VWA3B: variants seen among roughly 807,000 people sequenced by gnomAD.
VWA3B encodes the protein von Willebrand factor A domain containing 3B.
A neutral mutation model predicts 158.3 loss-of-function variants in VWA3B; 138 were observed. The ratio of observed to expected loss-of-function variants is 0.87; its 90% CI spans 0.76 to 1.00. The LOEUF (loss-of-function observed/expected upper bound fraction) is 1.00. VWA3B is among the 50% of genes least tolerant of loss of function. The pLI is 0.00. For synonymous variants in VWA3B, 596 were observed against 587.3 expected (o/e 1.01, Z -0.21); for missense variants, 1,555 against 1,565.1 (o/e 0.99, Z 0.11).
intron 24 of VWA3B, among the ~76,000 whole-genome samples, chr2:98,298,432 CTATTCT>C (rs1558773796): frequency 5.3e-5 from 8 of 150,736 alleles, no homozygotes; most frequent in Admixed American, 1.3e-4. Context: ...CTATTCTATT[CTATTCT>C]ATTCTATGCC....
chr2:98,169,304 G>A (rs1481030031), intron 8 of VWA3B, among the ~76,000 whole-genome samples: 6 of 152,212 alleles, frequency 3.9e-5, no homozygotes, highest in Non-Finnish European at 7.4e-5. Context: ...TTTATCATTG[G>A]CACATATTAT....
In VWA3B at chr2:98,106,662, T is replaced by G. The variant is rs1215330502; in HGVS notation, c.197-8990T>G. On this transcript the variant is annotated intron_variant, in intron 2 of 27. Coordinates refer to ENST00000477737, the MANE Select transcript of VWA3B (RefSeq NM_144992.5). ...TTTTTTTAGCAGTTGTAGATGGAAT[T>G]GTATTTTAAATTTTGGTTTTCACAT... Among the ~76,000 whole-genome samples, 7 of 152,198 alleles carry G rather than the reference T, an allele frequency of 4.6e-5. No homozygotes were observed. The East Asian group carries it at 1.2e-3, about 25-fold the overall frequency.
intron 19 of VWA3B, among the ~76,000 whole-genome samples, chr2:98,247,533 T>C (rs1686481433): frequency 2.0e-5 from 3 of 152,182 alleles, no homozygotes; most frequent in Admixed American, 2.0e-4. Flanking sequence ...CTAAAAAGCA[T>C]CTTTAGTTTT....
At chr2:98,108,954 T>A (rs1673907826) in intron 2 of VWA3B, among the ~76,000 whole-genome samples, 1 of 151,712 alleles carries the variant, frequency 6.6e-6, no homozygotes, top group African/African-American at 2.4e-5. Flanking sequence ...CCTAAACACT[T>A]TTTAGAATTC....
rs184725071 is a variant in VWA3B at position 98,188,055 on chromosome 2, C to T, written c.1392C>T (p.His464=). The change falls in exon 10 of 28, where the codon CAC becomes CAT. Residue 464 remains histidine (H), a synonymous_variant. Coordinates refer to ENST00000477737, the MANE Select transcript of VWA3B (RefSeq NM_144992.5). ...HAPWKDGSLV[H]VNITKEKCKW... ...CCTGGAAGGATGGGAGCTTGGTCCA[C>T]GTCAACATTACCAAAGAGAAGTGCA... is the stretch of plus-strand genomic sequence containing the variant. The T allele has an allele frequency of 9.3e-6, 15 of 1,613,972 alleles. No homozygotes were observed. Among genetic ancestry groups the T allele is most frequent in the Admixed American group, 6.7e-5 (4 of 59,998 alleles).
At chr2:98,249,209 G>A (rs1199471469) in intron 19 of VWA3B, among the ~76,000 whole-genome samples, 1 of 152,004 alleles carries the variant, frequency 6.6e-6, no homozygotes, top group East Asian at 1.9e-4. Context: ...TTGGGAACAT[G>A]CGTTTATTCC....
At chr2:98,165,282 G>A (rs1174472569) in intron 8 of VWA3B, among the ~76,000 whole-genome samples, 1 of 152,276 alleles carries the variant, frequency 6.6e-6, no homozygotes, top group Admixed American at 6.5e-5. Context: ...CTCCGTTTTG[G>A]CTTCAGTAAC....
intron 2 of VWA3B, among the ~76,000 whole-genome samples, chr2:98,095,344 A>T (rs888809414): frequency 6.6e-6 from 1 of 152,078 alleles, no homozygotes; most frequent in Non-Finnish European, 1.5e-5. Flanking sequence ...CCTTAGTTAA[A>T]TTTATTCCTA....
At position 98,290,531 on chromosome 2, in the gene VWA3B, T is replaced by A; in HGVS notation, c.3066T>A (p.Asn1022Lys). The A allele has an allele frequency of 6.3e-7, 1 of 1,580,338 alleles. No homozygotes were observed. Among genetic ancestry groups the A allele is most frequent in the Non-Finnish European group, 8.5e-7 (1 of 1,170,962 alleles). The change falls in exon 23 of 28, where the codon AAT (asparagine) becomes AAA (lysine). Residue 1022 changes from asparagine to lysine, a missense_variant. Asn to Lys is a moderately conservative substitution (Grantham distance 94). Coordinates refer to ENST00000477737, the MANE Select transcript of VWA3B (RefSeq NM_144992.5). ...APGEQQKLQGNPTKKTKSKRP... is the reference protein window; with the variant it reads ...APGEQQKLQGKPTKKTKSKRP... ...TTCAGCAACAGAAATTGCAAGGAAA[T>A]CCAACAAAGAAAACCAAATCAAAAA...
At chr2:98,325,577 A>T in the VWA3B span, among the ~76,000 whole-genome samples, 1 of 152,226 alleles carries the variant, frequency 6.6e-6, no homozygotes, top group African/African-American at 2.4e-5. Context: ...AGAAAATCGT[A>T]TCTTAAGGTT....
At chr2:98,090,155 C>T (rs1415972933) in intron 1 of VWA3B, among the ~76,000 whole-genome samples, 1 of 152,128 alleles carries the variant, frequency 6.6e-6, no homozygotes, top group Non-Finnish European at 1.5e-5. Flanking sequence ...TCTGAGCTTC[C>T]CTTTCTTGTT....
At chr2:98,188,191 G>C in intron 10 of VWA3B, 62 bp downstream of exon 10, 1 of 1,551,724 alleles carries the variant, frequency 6.4e-7, no homozygotes. Flanking sequence ...TCATCTGCTT[G>C]ATCTTTTTTC....
chr2:98,186,850 T>G (rs1453944832), intron 9 of VWA3B, among the ~76,000 whole-genome samples: 1 of 152,170 alleles, frequency 6.6e-6, no homozygotes, highest in Non-Finnish European at 1.5e-5. Context: ...GTGAAAGCCC[T>G]GGGAAGAGTC....
intron 7 of VWA3B, among the ~76,000 whole-genome samples, chr2:98,142,263 C>A (rs1374996147): frequency 6.6e-6 from 1 of 152,162 alleles, no homozygotes; most frequent in Non-Finnish European, 1.5e-5. Flanking sequence ...CTTTTGTAGA[C>A]CCTGCCCCGC....
intron 14 of VWA3B, among the ~76,000 whole-genome samples, chr2:98,221,726 G>T (rs1433379957): frequency 6.6e-6 from 1 of 152,170 alleles, no homozygotes; most frequent in Non-Finnish European, 1.5e-5. Context: ...TCTCATCCCT[G>T]AGTGGGCAGG....
chr2:98,205,835 T>G (rs1299829478), intron 12 of VWA3B, among the ~76,000 whole-genome samples: 1 of 152,218 alleles, frequency 6.6e-6, no homozygotes, highest in Admixed American at 6.5e-5. Flanking sequence ...GAAATTTTCA[T>G]GTTGTCTTTC....
intron 23 of VWA3B, 47 bp downstream of exon 23, chr2:98,290,669 G>A: frequency 7.7e-7 from 1 of 1,303,638 alleles, no homozygotes; most frequent in East Asian, 2.5e-5. Context: ...TAAATAATTT[G>A]ATACTAGGGA....
At chr2:98,119,921 A>G (rs963273425) in intron 4 of VWA3B, among the ~76,000 whole-genome samples, 158 bp downstream of exon 4, 1 of 152,270 alleles carries the variant, frequency 6.6e-6, no homozygotes, top group Non-Finnish European at 1.5e-5. Flanking sequence ...GCAATCCCAC[A>G]GTGAATAAAT....
At chr2:98,106,488 T>C (rs2104881628) in intron 2 of VWA3B, among the ~76,000 whole-genome samples, 1 of 152,372 alleles carries the variant, frequency 6.6e-6, no homozygotes, top group Non-Finnish European at 1.5e-5. Context: ...TTTACTATGC[T>C]GACGAAAATG....
Sources: allele counts gnomAD v4.1 joint callset (sites outside exome capture counted in the v4.1 genomes callset), GRCh38; gene constraint gnomAD v4.1.1; transcripts MANE v1.5; gene names NCBI Gene and HGNC (gene_info 2026-07-23, HGNC 2026-07-21).